Variants in PHACTR1 observed in about 807,000 individuals in gnomAD.
PHACTR1 encodes RPEL repeat containing 1.
Under a neutral mutation model 69.2 loss-of-function variants are expected in PHACTR1, and 16 were observed. The observed-to-expected ratio is 0.23, with a 90% CI of 0.16 to 0.35. The LOEUF (loss-of-function observed/expected upper bound fraction) is 0.35, where lower values mean the gene tolerates loss of function less well. Among genes scored for constraint, PHACTR1 ranks in the 10% least tolerant of loss-of-function variants. PHACTR1 has a pLI of 1.00. For synonymous variants in PHACTR1, 312 were observed against 284.5 expected, an observed-to-expected ratio of 1.10 and a Z score of -0.97; for missense variants, 510 against 734.7, an observed-to-expected ratio of 0.69 and a Z score of 3.54.
At chr6:13,233,966 G>T (rs928284370) in intron 10 of PHACTR1, among the ~76,000 whole-genome samples, 1 of 152,200 alleles carries the variant, frequency 6.6e-6, no homozygotes, top group Non-Finnish European at 1.5e-5. Flanking sequence ...AGACTGTCAG[G>T]CATGCCTAGC....
chr6:12,726,532 T>C (rs1762819253), intron 3 of PHACTR1, among the ~76,000 whole-genome samples: 1 of 152,142 alleles, frequency 6.6e-6, no homozygotes, highest in African/African-American at 2.4e-5. Flanking sequence ...GGAAGGCGGG[T>C]GTAGACACCC....
At chr6:13,224,184 G>C (rs1476488817) in intron 8 of PHACTR1, among the ~76,000 whole-genome samples, 1 of 152,216 alleles carries the variant, frequency 6.6e-6, no homozygotes, top group African/African-American at 2.4e-5. Context: ...CAGAAGATGT[G>C]GCTTCTGCCC....
chr6:12,958,135 C>G (rs954300622), intron 4 of PHACTR1: 1 of 705,944 alleles, frequency 1.4e-6, no homozygotes, highest in African/African-American at 1.9e-5. Context: ...GAGAATTTTC[C>G]TTTGATGGAG....
At chr6:13,043,743 TA>T (rs1804581112) in intron 4 of PHACTR1, among the ~76,000 whole-genome samples, 1 of 152,208 alleles carries the variant, frequency 6.6e-6, no homozygotes, top group Non-Finnish European at 1.5e-5. Context: ...TTTGAGTCTG[TA>T]AAAGGCACTA....
intron 4 of PHACTR1, among the ~76,000 whole-genome samples, chr6:12,892,274 T>G (rs776630958): frequency 6.6e-6 from 1 of 152,234 alleles, no homozygotes; most frequent in Non-Finnish European, 1.5e-5. Context: ...TTGTAAAAAC[T>G]GAAAGGCCTG....
chr6:12,944,364 A>T (rs1292718256), intron 4 of PHACTR1, among the ~76,000 whole-genome samples: 1 of 152,230 alleles, frequency 6.6e-6, no homozygotes, highest in Non-Finnish European at 1.5e-5. Flanking sequence ...TAAAAATGCA[A>T]AACATACTAA....
intron 6 of PHACTR1, among the ~76,000 whole-genome samples, chr6:13,163,054 G>A (rs1759277243): frequency 6.6e-6 from 1 of 152,124 alleles, no homozygotes; most frequent in Non-Finnish European, 1.5e-5. Flanking sequence ...AGACCAGCCT[G>A]GCCAACATGG....
intron 4 of PHACTR1, among the ~76,000 whole-genome samples, chr6:12,887,809 C>A (rs1291735079): frequency 3.3e-5 from 5 of 151,992 alleles, no homozygotes; most frequent in Non-Finnish European, 7.4e-5. Context: ...TGTCTCACAC[C>A]TGTAATCCCA....
At chr6:13,247,367 C>CTGTGTGT (rs1773723016) in intron 10 of PHACTR1, among the ~76,000 whole-genome samples, 1 of 101,840 alleles carries the variant, frequency 9.8e-6, no homozygotes, top group African/African-American at 4.2e-5. Context: ...GTGTGTGTGA[C>CTGTGTGT]GGAGTTTCAT....
At chr6:12,760,370 A>G (rs893994415) in intron 4 of PHACTR1, among the ~76,000 whole-genome samples, 1 of 152,258 alleles carries the variant, frequency 6.6e-6, no homozygotes, top group East Asian at 1.9e-4. Flanking sequence ...GAAAATTTAC[A>G]TTAAGAATAG....
In PHACTR1 at chr6:13,091,092, C is replaced by T. The variant is rs546309809; in HGVS notation, c.415+37563C>T. ...AATGGCGCATCTCGGCTCACTGCAA[C>T]CTCTGCCTCCTGGGTTCAAGCAGTT... On this transcript the variant is annotated intron_variant, in intron 5 of 14. Transcript: ENST00000332995. Among the ~76,000 whole-genome samples the T allele has an allele frequency of 5.9e-5, 9 of 152,088 alleles. No individual in the cohort carries two copies. The South Asian group carries it at 1.5e-3, about 25-fold the overall frequency.
chr6:12,855,385 G>A (rs752719175), intron 4 of PHACTR1, among the ~76,000 whole-genome samples: 3 of 152,170 alleles, frequency 2.0e-5, no homozygotes, highest in Non-Finnish European at 4.4e-5. Flanking sequence ...CCAGAGGTTT[G>A]AGGCTGCAGT....
intron 4 of PHACTR1, among the ~76,000 whole-genome samples, chr6:12,872,478 C>G (rs1782132162): frequency 6.6e-6 from 1 of 152,068 alleles, no homozygotes; most frequent in South Asian, 2.1e-4. Context: ...AAATATACAC[C>G]TGCCTTTTCA....
chr6:13,236,867 G>C (rs558312966), intron 10 of PHACTR1, among the ~76,000 whole-genome samples: 1 of 152,274 alleles, frequency 6.6e-6, no homozygotes, highest in South Asian at 2.1e-4. Flanking sequence ...CCAAATGCAT[G>C]TGGGAAGAGA....
intron 5 of PHACTR1, among the ~76,000 whole-genome samples, chr6:13,067,771 T>TA (rs1808876503): frequency 1.3e-5 from 2 of 152,216 alleles, no homozygotes; most frequent in South Asian, 2.1e-4. Context: ...AATCAGACAG[T>TA]AATCACACAG....
chr6:12,936,735 T>C (rs1789492332), intron 4 of PHACTR1, among the ~76,000 whole-genome samples: 1 of 152,218 alleles, frequency 6.6e-6, no homozygotes, highest in Non-Finnish European at 1.5e-5. Context: ...TGCAAGCAGG[T>C]CAAGAATTAG....
chr6:13,141,724 C>CTTTTTTTTTTTTTTTTTTTTTTTTT (rs577073698), intron 5 of PHACTR1, among the ~76,000 whole-genome samples: 3 of 89,820 alleles, frequency 3.3e-5, no homozygotes, highest in Non-Finnish European at 6.7e-5. Flanking sequence ...TTTCTTCTTT[C>CTTTTTTTTTTTTTTTTTTTTTTTTT]TTTTTTTTTT....
At chr6:12,857,708 CTGT>C (rs1034882232) in intron 4 of PHACTR1, among the ~76,000 whole-genome samples, 10 of 152,142 alleles carry the variant, frequency 6.6e-5, no homozygotes, top group Admixed American at 2.6e-4. Flanking sequence ...GTTGTTGCTG[CTGT>C]TGTTGTTGTT....
At chr6:13,219,102 A>T (rs1481138134) in intron 8 of PHACTR1, among the ~76,000 whole-genome samples, 1 of 152,170 alleles carries the variant, frequency 6.6e-6, no homozygotes. Context: ...TCCCTAAGGC[A>T]TCCTGTAGAT....
Sources: allele counts gnomAD v4.1 joint callset (sites outside exome capture counted in the v4.1 genomes callset), GRCh38; gene constraint gnomAD v4.1.1; transcripts MANE v1.5; gene names NCBI Gene and HGNC (gene_info 2026-07-23, HGNC 2026-07-21).